Variants in PRKCE observed in about 807,000 individuals in gnomAD.
PRKCE encodes protein kinase C epsilon type.
Under a neutral mutation model 85.4 loss-of-function variants are expected in PRKCE, and 16 were observed. The observed-to-expected ratio is 0.19, with a 90% CI of 0.13 to 0.28. PRKCE has a LOEUF of 0.28. Ranked by LOEUF, PRKCE falls within the 10% of genes least tolerant of loss-of-function variation. PRKCE has a pLI of 1.00. For missense variants in PRKCE, 573 were observed against 975.2 expected (o/e 0.59, Z 5.49); for synonymous variants, 388 against 371.5 (o/e 1.04, Z -0.51).
chr2:46,060,667 C>T (rs561591730), intron 10 of PRKCE, among the ~76,000 whole-genome samples: 1 of 152,238 alleles, frequency 6.6e-6, no homozygotes, highest in East Asian at 1.9e-4. Flanking sequence ...TTGCTGTATG[C>T]ACCTGTGCGT....
rs546209038 is a variant in PRKCE at position 45,868,032 on chromosome 2, G to A, written c.412+24969G>A. 2.6e-5 allele frequency among the ~76,000 whole-genome samples: 4 copies of A among 152,066 alleles called. No individual in the cohort carries two copies. The East Asian group carries it at 7.7e-4, about 29-fold the overall frequency. On this transcript the variant is annotated intron_variant, in intron 2 of 14. Transcript: ENST00000306156. ...CTCATTCCCGCCAGGTTTTTCTATG[G>A]CCCCACATGGTCACAGCTTTTGAAC...
intron 1 of PRKCE, among the ~76,000 whole-genome samples, chr2:45,668,088 C>A (rs560281625): frequency 2.0e-4 from 30 of 152,278 alleles, no homozygotes; most frequent in Non-Finnish European, 3.4e-4. Context: ...TGTCTGGAAT[C>A]CCAGCACTTT....
chr2:45,794,397 C>T (rs1160514620), intron 1 of PRKCE, among the ~76,000 whole-genome samples: 2 of 152,034 alleles, frequency 1.3e-5, no homozygotes, highest in African/African-American at 2.4e-5. Flanking sequence ...AATGCATTGA[C>T]GGGGCAGACA....
At chr2:45,810,640 G>A (rs1688590895) in intron 1 of PRKCE, among the ~76,000 whole-genome samples, 1 of 152,120 alleles carries the variant, frequency 6.6e-6, no homozygotes. Context: ...CTGGAGTACA[G>A]TGGCAGAATC....
At chr2:46,086,996 A>C (rs1464214507) in intron 11 of PRKCE, among the ~76,000 whole-genome samples, 4 of 152,170 alleles carry the variant, frequency 2.6e-5, no homozygotes, top group Non-Finnish European at 1.5e-5. Flanking sequence ...AAGAGAACAA[A>C]ACTACAAAGG....
intron 6 of PRKCE, among the ~76,000 whole-genome samples, chr2:45,998,741 T>C (rs1359821899): frequency 1.3e-5 from 2 of 152,232 alleles, no homozygotes; most frequent in Non-Finnish European, 2.9e-5. Flanking sequence ...TCTTTGTTTC[T>C]ATGTTTGTCT....
chr2:45,997,557 A>T (rs1459704886), intron 6 of PRKCE, among the ~76,000 whole-genome samples: 2 of 150,958 alleles, frequency 1.3e-5, no homozygotes, highest in Admixed American at 6.6e-5. Context: ...TTATTTATTT[A>T]TTTTTTTGAG....
intron 1 of PRKCE, among the ~76,000 whole-genome samples, chr2:45,660,550 T>G (rs1342961828): frequency 6.6e-6 from 1 of 152,190 alleles, no homozygotes; most frequent in African/African-American, 2.4e-5. Context: ...CAAAACCCTT[T>G]GTAGTTGGCA....
chr2:45,894,605 C>T (rs141018153), intron 2 of PRKCE, among the ~76,000 whole-genome samples: 4 of 151,980 alleles, frequency 2.6e-5, no homozygotes, highest in East Asian at 1.9e-4. Context: ...CTGGAGTGGA[C>T]GTGAGGATGT....
intron 2 of PRKCE, among the ~76,000 whole-genome samples, chr2:45,973,856 C>T (rs1256492837): frequency 6.6e-6 from 1 of 152,184 alleles, no homozygotes; most frequent in East Asian, 1.9e-4. Context: ...TTAGATTGGA[C>T]CCATCACCAT....
intron 1 of PRKCE, among the ~76,000 whole-genome samples, chr2:45,816,858 G>C (rs904985030): frequency 5.3e-5 from 8 of 152,142 alleles, no homozygotes; most frequent in Admixed American, 2.0e-4. Flanking sequence ...AAGGGGATCG[G>C]CTTAATTCCT....
intron 10 of PRKCE, among the ~76,000 whole-genome samples, chr2:46,050,762 G>T (rs1020044700): frequency 2.6e-5 from 4 of 152,296 alleles, no homozygotes; most frequent in African/African-American, 9.6e-5. Flanking sequence ...CCCCAGCCAC[G>T]TCCTGGGAAT....
At chr2:46,022,466 A>AG (rs1204873425) in intron 10 of PRKCE, among the ~76,000 whole-genome samples, 47 of 152,310 alleles carry the variant, frequency 3.1e-4, no homozygotes, top group African/African-American at 1.1e-3. Flanking sequence ...TGTTTTCTAC[A>AG]GGGAAAGTCA....
At chr2:45,827,535 A>T (rs1201703391) in intron 1 of PRKCE, among the ~76,000 whole-genome samples, 1 of 152,212 alleles carries the variant, frequency 6.6e-6, no homozygotes, top group African/African-American at 2.4e-5. Flanking sequence ...CATGTAGAAA[A>T]CAAGCACAGA....
At chr2:46,132,942 C>A (rs1049794757) in intron 11 of PRKCE, among the ~76,000 whole-genome samples, 2 of 152,198 alleles carry the variant, frequency 1.3e-5, no homozygotes, top group Non-Finnish European at 2.9e-5. Context: ...ACGTGCCTTC[C>A]CTACATCCCC....
chr2:45,882,948 C>T (rs956923788), intron 2 of PRKCE, among the ~76,000 whole-genome samples: 6 of 152,246 alleles, frequency 3.9e-5, no homozygotes, highest in Non-Finnish European at 7.3e-5. Context: ...AGGCTTGACA[C>T]GTGTTCATCT....
chr2:45,727,390 TG>T (rs1681167598), intron 1 of PRKCE, among the ~76,000 whole-genome samples: 1 of 151,890 alleles, frequency 6.6e-6, no homozygotes, highest in South Asian at 2.1e-4. Flanking sequence ...AAAGTGGGAG[TG>T]GGTACCTCTA....
At chr2:45,946,365 T>A (rs2711304) in intron 2 of PRKCE, among the ~76,000 whole-genome samples, 4 of 152,192 alleles carry the variant, frequency 2.6e-5, no homozygotes, top group African/African-American at 9.7e-5. Context: ...TATGATACGG[T>A]TTATAAATGA....
Position 46,010,359 on chromosome 2 carries a change from C to T in PRKCE, c.1279C>T (p.Leu427Phe). ...TTGATTGCAGGTCATGTTGGCAGAA[C>T]TCAAGGGCAAAGATGAAGTATATGC... ...GSFGKVMLAE[L>F]KGKDEVYAVK... is the part of the protein sequence containing the mutation. The change falls in exon 10 of 15, where the codon CTC (leucine) becomes TTC (phenylalanine). Residue 427 changes from leucine (L) to phenylalanine (F), a missense_variant. Leu to Phe is a conservative substitution (Grantham distance 22, BLOSUM62 0). This residue lies in a region of PRKCE where 89 missense variants were observed against 154.1 expected (regional missense o/e 0.58). Transcript: ENST00000306156. The T allele has an allele frequency of 6.3e-7, 1 of 1,595,328 alleles. No homozygotes were observed. The highest frequency in any genetic ancestry group is 8.5e-7 in the Non-Finnish European group (1 of 1,176,706).
Sources: gnomAD v4.1 joint callset for allele counts (sites outside exome capture counted in the v4.1 genomes callset) on GRCh38, gnomAD v4.1.1 for gene constraint, gnomAD v4.1.1 regional missense constraint, MANE v1.5 for transcripts, NCBI Gene and HGNC (gene_info 2026-07-23, HGNC 2026-07-21) for gene names.